LRP1B: variants seen among roughly 807,000 people sequenced by gnomAD.
LRP1B encodes the protein low-density lipoprotein receptor-related protein 1B.
Under a neutral mutation model 556.6 loss-of-function variants are expected in LRP1B, and 217 were observed. The ratio of observed to expected loss-of-function variants is 0.39; its 90% confidence interval spans 0.35 to 0.44. The LOEUF is 0.44. Among genes scored for constraint, LRP1B ranks in the 20% least tolerant of loss-of-function variants. LRP1B has a pLI of 1.00. For missense variants in LRP1B, 5,053 were observed against 5,620.8 expected (o/e 0.90, Z 3.23); for synonymous variants, 2,047 against 1,865.8 (o/e 1.10, Z -2.50).
intron 11 of LRP1B, among the ~76,000 whole-genome samples, chr2:141,023,338 T>C (rs2105402175): frequency 6.6e-6 from 1 of 151,962 alleles, no homozygotes; most frequent in Non-Finnish European, 1.5e-5. Flanking sequence ...GAAAAATTCC[T>C]GATGTTAACA....
chr2:141,040,015 C>G (rs1235540706), intron 11 of LRP1B, among the ~76,000 whole-genome samples: 1 of 152,036 alleles, frequency 6.6e-6, no homozygotes, highest in Non-Finnish European at 1.5e-5. Context: ...TATGTGCAAA[C>G]AGGCTATATT....
At chr2:141,934,501 T>C (rs953939380) in intron 1 of LRP1B, among the ~76,000 whole-genome samples, 1 of 152,176 alleles carries the variant, frequency 6.6e-6, no homozygotes, top group Non-Finnish European at 1.5e-5. Context: ...AATATATTAC[T>C]TGAAAAGTTC....
At position 140,628,376 on chromosome 2, in the gene LRP1B, A is replaced by AC. The variant is rs535221403; in HGVS notation, c.6800-26738_6800-26737insG. Among the ~76,000 whole-genome samples, 132 of 151,706 alleles carry AC rather than the reference A, an allele frequency of 8.7e-4. 1 individual carries two copies. The highest frequency in any genetic ancestry group is 3.1e-3 in the African/African-American group (128 of 41,300). ...AACCCCGTCTCCAATAAAAACACAC[A>AC]AAAAAAATAAATTAGCCGGGCATGG... is the stretch of plus-strand genomic sequence containing the variant. On this transcript the variant is annotated intron_variant, in intron 41 of 90. Coordinates refer to ENST00000389484, the MANE Select transcript of LRP1B (RefSeq NM_018557.3).
intron 6 of LRP1B, among the ~76,000 whole-genome samples, chr2:141,209,566 T>G (rs1223590353): frequency 1.3e-5 from 2 of 152,182 alleles, no homozygotes; most frequent in Non-Finnish European, 2.9e-5. Flanking sequence ...TTCTCACAAT[T>G]TTCAACATGC....
chr2:140,698,935 G>T (rs1448115244), intron 41 of LRP1B, among the ~76,000 whole-genome samples: 1 of 151,968 alleles, frequency 6.6e-6, no homozygotes, highest in Non-Finnish European at 1.5e-5. Context: ...CAAATCACAT[G>T]CATTAATATT....
At chr2:141,751,934 C>G (rs907857766) in intron 2 of LRP1B, among the ~76,000 whole-genome samples, 5 of 150,790 alleles carry the variant, frequency 3.3e-5, no homozygotes, top group African/African-American at 1.2e-4. Flanking sequence ...ATATTTAGAA[C>G]ATGGTCATCT....
chr2:141,646,450 C>T (rs766108965), intron 2 of LRP1B, among the ~76,000 whole-genome samples: 5 of 152,046 alleles, frequency 3.3e-5, no homozygotes, highest in Non-Finnish European at 7.4e-5. Context: ...GCCTGTGATA[C>T]ACAGTGCTGT....
intron 66 of LRP1B, among the ~76,000 whole-genome samples, chr2:140,423,355 A>G (rs1447453615): frequency 6.6e-6 from 1 of 152,150 alleles, no homozygotes; most frequent in Non-Finnish European, 1.5e-5. Flanking sequence ...AAATAAGGAA[A>G]GAAAAGGAAA....
At chr2:141,901,122 C>G (rs1329304124) in intron 1 of LRP1B, among the ~76,000 whole-genome samples, 1 of 152,040 alleles carries the variant, frequency 6.6e-6, no homozygotes, top group Non-Finnish European at 1.5e-5. Context: ...ATTCACTGAG[C>G]TCTTTCTCTC....
At chr2:141,289,230 A>C (rs958538870) in intron 3 of LRP1B, among the ~76,000 whole-genome samples, 1 of 151,608 alleles carries the variant, frequency 6.6e-6, no homozygotes, top group South Asian at 2.1e-4. Flanking sequence ...TAAAAATACA[A>C]AAAAAATTAG....
At chr2:141,544,384 C>CGTCTTCTTCTTCTTCTT (rs1559131566) in intron 2 of LRP1B, among the ~76,000 whole-genome samples, 1 of 40,792 alleles carries the variant, frequency 2.5e-5, no homozygotes, top group Non-Finnish European at 5.2e-5. Context: ...TTCTTCTTCT[C>CGTCTTCTTCTTCTTCTT]CTCCTCCTCC....
intron 2 of LRP1B, among the ~76,000 whole-genome samples, chr2:141,745,825 C>T (rs182075057): frequency 9.9e-5 from 15 of 152,150 alleles, no homozygotes; most frequent in South Asian, 2.1e-4. Flanking sequence ...AGAGTCTCAC[C>T]CAAGGCCCAT....
Position 140,958,839 on chromosome 2 carries a change from A to G in LRP1B, c.2888-6899T>C, listed in dbSNP as rs569398100. 2.0e-5 allele frequency among the ~76,000 whole-genome samples: 3 copies of G among 151,774 alleles called. No individual in the cohort carries two copies. In the East Asian group the frequency reaches 5.8e-4, roughly 29 times the overall value. On this transcript the variant is annotated intron_variant, in intron 18 of 90. Transcript: ENST00000389484. ...CCCACCACCCCCACTGAAAAAATAA[A>G]AAGTGAGAACATTTTAGAAAATAAT...
intron 31 of LRP1B, among the ~76,000 whole-genome samples, chr2:140,836,221 C>T (rs1452479738): frequency 6.6e-6 from 1 of 151,998 alleles, no homozygotes; most frequent in Non-Finnish European, 1.5e-5. Context: ...GCATATGGGC[C>T]TTTAATTCTA....
At chr2:140,423,762 T>C (rs1685546687) in intron 66 of LRP1B, among the ~76,000 whole-genome samples, 1 of 152,098 alleles carries the variant, frequency 6.6e-6, no homozygotes, top group African/African-American at 2.4e-5. Context: ...ATTCCTAGTA[T>C]GTACCTACAG....
intron 23 of LRP1B, among the ~76,000 whole-genome samples, chr2:140,896,354 A>G (rs1284855596): frequency 6.6e-6 from 1 of 152,104 alleles, no homozygotes; most frequent in Non-Finnish European, 1.5e-5. Context: ...TAGAGAAAAC[A>G]GAATCAGTTC....
chr2:141,851,758 G>C (rs1022533582), intron 1 of LRP1B, among the ~76,000 whole-genome samples: 4 of 151,512 alleles, frequency 2.6e-5, no homozygotes, highest in African/African-American at 9.7e-5. Context: ...GTTTCCTTAA[G>C]TGCTTTCCGC....
chr2:141,717,358 A>G (rs1400920506), intron 2 of LRP1B, among the ~76,000 whole-genome samples: 1 of 152,176 alleles, frequency 6.6e-6, no homozygotes, highest in African/African-American at 2.4e-5. Flanking sequence ...TGCTCTTTAT[A>G]CTTGAAAATA....
chr2:140,271,114 C>T (rs997912077), intron 85 of LRP1B, among the ~76,000 whole-genome samples: 11 of 151,834 alleles, frequency 7.2e-5, no homozygotes, highest in African/African-American at 1.7e-4. Flanking sequence ...CTGGGAAAAA[C>T]GCAGACATTT....
Sources: allele counts gnomAD v4.1 joint callset (sites outside exome capture counted in the v4.1 genomes callset), GRCh38; gene constraint gnomAD v4.1.1; transcripts MANE v1.5; gene names NCBI Gene and HGNC (gene_info 2026-07-23, HGNC 2026-07-21).